EFCAB6: variants seen among roughly 807,000 people sequenced by gnomAD.
EFCAB6 encodes EF-hand calcium binding domain 6.
EFCAB6 carries 156 observed loss-of-function variants against 169.8 expected under a neutral mutation model. The observed-to-expected ratio is 0.92, with a 90% CI of 0.81 to 1.05. The LOEUF (loss-of-function observed/expected upper bound fraction) is 1.05. Ranked by LOEUF, EFCAB6 falls within the 50% of genes least tolerant of loss-of-function variation. The pLI is 0.00. For synonymous variants in EFCAB6, 698 were observed against 676.4 expected, an observed-to-expected ratio of 1.03 and a Z score of -0.50; for missense variants, 1,800 against 1,829.1, an observed-to-expected ratio of 0.98 and a Z score of 0.29.
intron 2 of EFCAB6, among the ~76,000 whole-genome samples, chr22:43,796,378 G>C (rs2062509758): frequency 6.6e-6 from 1 of 152,132 alleles, no homozygotes; most frequent in Non-Finnish European, 1.5e-5. Context: ...TTTTGTATTA[G>C]TTTACACTAG....
Position 43,676,291 on chromosome 22 carries a change from C to A in EFCAB6, c.1419+1705G>T, listed in dbSNP as rs1245544603. 4.6e-5 allele frequency among the ~76,000 whole-genome samples: 7 copies of A among 151,802 alleles called. No individual in the cohort carries two copies. The East Asian group carries it at 1.3e-3, about 29-fold the overall frequency. On this transcript the variant is annotated intron_variant, in intron 13 of 31. Coordinates refer to ENST00000262726, the MANE Select transcript of EFCAB6 (RefSeq NM_022785.4). ...AATTAGCCGGGTGTGGTGGTAGGCG[C>A]CTATAGTCCCAGCTACTTGGGAGGC... is the stretch of plus-strand genomic sequence containing the variant.
At chr22:43,751,157 A>G (rs140260592) in intron 6 of EFCAB6, among the ~76,000 whole-genome samples, 1,672 of 152,342 alleles carry the variant, frequency 0.011, 28 homozygotes, top group African/African-American at 0.039. Context: ...CTTTAACTGA[A>G]TATACATTCT....
At chr22:43,541,127 C>T (rs541766655) in intron 27 of EFCAB6, among the ~76,000 whole-genome samples, 1 of 152,364 alleles carries the variant, frequency 6.6e-6, no homozygotes, top group East Asian at 1.9e-4. Context: ...GATGGAGAGG[C>T]AGCCTCCAGA....
intron 17 of EFCAB6, among the ~76,000 whole-genome samples, chr22:43,638,799 T>G (rs1463309070): frequency 6.6e-6 from 1 of 152,066 alleles, no homozygotes; most frequent in Non-Finnish European, 1.5e-5. Flanking sequence ...CTTTTTTTTT[T>G]TTTGAGACGG....
intron 10 of EFCAB6, among the ~76,000 whole-genome samples, chr22:43,709,935 G>T (rs1184971417): frequency 6.6e-6 from 1 of 152,168 alleles, no homozygotes; most frequent in Non-Finnish European, 1.5e-5. Context: ...CAAGGAAAGT[G>T]GGGTGCTGTG....
chr22:43,770,434 T>C (rs563667135), intron 4 of EFCAB6, among the ~76,000 whole-genome samples: 3 of 152,186 alleles, frequency 2.0e-5, no homozygotes, highest in Non-Finnish European at 2.9e-5. Flanking sequence ...GTGACTAACA[T>C]GTGAAAATTA....
chr22:43,575,833 C>G (rs1198181690), intron 26 of EFCAB6, among the ~76,000 whole-genome samples: 1 of 152,136 alleles, frequency 6.6e-6, no homozygotes, highest in Non-Finnish European at 1.5e-5. Flanking sequence ...ATAGTAACAG[C>G]TTGTATCTCA....
At chr22:43,575,677 T>C (rs1442185771) in intron 26 of EFCAB6, among the ~76,000 whole-genome samples, 3 of 151,864 alleles carry the variant, frequency 2.0e-5, no homozygotes, top group African/African-American at 7.3e-5. Context: ...TCCATCTAAA[T>C]GGCAAAGATG....
chr22:43,590,204 C>A lies in EFCAB6; in HGVS notation c.2902G>T (p.Asp968Tyr). ...GTTTTGGTGAATGCTTTGCTGATAT[C>A]TTGATGGCGGTCCATAAGCTTATCC... is the stretch of plus-strand genomic sequence containing the variant. ...ARDKLMDRHQ[D>Y]ISKAFTKTDQ... Residue 968 changes from aspartate to tyrosine, a missense_variant, in exon 24 of 32, where the codon GAT (aspartate) becomes TAT (tyrosine). By Grantham distance (160) the Asp-to-Tyr change is radical. Coordinates refer to ENST00000262726, the MANE Select transcript of EFCAB6 (RefSeq NM_022785.4). 4 of 1,613,944 alleles carry A rather than the reference C, an allele frequency of 2.5e-6. No homozygotes were observed. Among genetic ancestry groups the A allele is most frequent in the Non-Finnish European group, 3.4e-6 (4 of 1,179,938 alleles).
rs541517743 is a variant in EFCAB6 at position 43,636,479 on chromosome 22, A to T, written c.1984-1263T>A. The stretch of plus-strand genomic sequence containing the variant: ...CGGATCTCATTTAATCCTCAGCAGA[A>T]GCCTCAAGAAAGGCACTCTTTCTAA... On this transcript the variant is annotated intron_variant, in intron 17 of 31. Transcript: ENST00000262726. Among the ~76,000 whole-genome samples the T allele has an allele frequency of 3.3e-5, 5 of 152,180 alleles. No individual in the cohort carries two copies. The South Asian group carries it at 1.0e-3, about 32-fold the overall frequency.
chr22:43,546,806 G>A (rs1172594588), intron 27 of EFCAB6, among the ~76,000 whole-genome samples: 1 of 151,814 alleles, frequency 6.6e-6, no homozygotes, highest in Non-Finnish European at 1.5e-5. Context: ...CCAGGAGGCG[G>A]AGGTTGTGGT....
intron 23 of EFCAB6, among the ~76,000 whole-genome samples, chr22:43,597,223 C>G (rs1168513478): frequency 6.6e-6 from 1 of 152,156 alleles, no homozygotes; most frequent in East Asian, 1.9e-4. Context: ...CTCAAAAGCA[C>G]AGGCAACAAA....
At chr22:43,578,859 C>T (rs938737678) in intron 25 of EFCAB6, among the ~76,000 whole-genome samples, 6 of 149,448 alleles carry the variant, frequency 4.0e-5, no homozygotes, top group Non-Finnish European at 7.4e-5. Flanking sequence ...GGCATCATTC[C>T]CTACACGCAG....
At position 43,534,700 on chromosome 22, in the gene EFCAB6, A is replaced by G; in HGVS notation, c.4221T>C (p.Asn1407=). 6.2e-7 allele frequency: 1 copy of G among 1,606,798 alleles called. No homozygotes were observed. The highest frequency in any genetic ancestry group is 8.5e-7 in the Non-Finnish European group (1 of 1,177,278). The change falls in exon 30 of 32, where the codon AAT becomes AAC. Residue 1407 remains asparagine, a synonymous_variant. Coordinates refer to ENST00000262726, the MANE Select transcript of EFCAB6 (RefSeq NM_022785.4). The part of the protein sequence containing the change: ...SSLMHRMKIQ[N]AHKMKEAGAE... The stretch of plus-strand genomic sequence containing the variant: ...GTGGGCAACATACCATCTTGTGTGC[A>G]TTCTGGATCTTCATCCTGTGCATCA...
intron 13 of EFCAB6, among the ~76,000 whole-genome samples, chr22:43,672,830 A>C (rs1205342085): frequency 6.6e-6 from 1 of 152,144 alleles, no homozygotes; most frequent in East Asian, 1.9e-4. Flanking sequence ...CCATGACACA[A>C]GTTTACCTGT....
chr22:43,721,088 A>T (rs2059508377), intron 8 of EFCAB6, among the ~76,000 whole-genome samples: 1 of 152,224 alleles, frequency 6.6e-6, no homozygotes, highest in African/African-American at 2.4e-5. Flanking sequence ...AATAATGTCC[A>T]GGCTGAGAGT....
intron 13 of EFCAB6, among the ~76,000 whole-genome samples, chr22:43,672,851 C>T (rs968437213): frequency 4.0e-5 from 6 of 151,564 alleles, no homozygotes; most frequent in African/African-American, 9.7e-5. Context: ...GTAACAAACC[C>T]GCATTTGTAC....
At chr22:43,780,616 G>A (rs555782356) in intron 3 of EFCAB6, among the ~76,000 whole-genome samples, 1 of 152,136 alleles carries the variant, frequency 6.6e-6, no homozygotes, top group East Asian at 1.9e-4. Context: ...TTGTAGACAT[G>A]GAGCTATTGA....
At chr22:43,638,395 T>C (rs2055571423) in intron 17 of EFCAB6, among the ~76,000 whole-genome samples, 1 of 152,196 alleles carries the variant, frequency 6.6e-6, no homozygotes, top group Admixed American at 6.5e-5. Flanking sequence ...TGGTCGGGCA[T>C]GTGTTGATTT....
Sources: gnomAD v4.1 joint callset for allele counts (sites outside exome capture counted in the v4.1 genomes callset) on GRCh38, gnomAD v4.1.1 for gene constraint, MANE v1.5 for transcripts, NCBI Gene and HGNC (gene_info 2026-07-23, HGNC 2026-07-21) for gene names.